The following LFNG variants were observed in gnomAD, a reference collection of about 807,000 sequenced individuals.
LFNG encodes LFNG O-fucosylpeptide 3-beta-N-acetylglucosaminyltransferase, also known as beta-1,3-N-acetylglucosaminyltransferase lunatic fringe.
LFNG carries 15 observed loss-of-function variants against 32.7 expected under a neutral mutation model. That is an observed-to-expected ratio of 0.46 (90% CI 0.31 to 0.71). LFNG has a LOEUF of 0.71. Ranked by LOEUF, LFNG falls within the 30% of genes least tolerant of loss-of-function variation. The pLI, the probability that LFNG is intolerant of heterozygous loss-of-function variation, is 0.06. For synonymous variants in LFNG, 274 were observed against 246.8 expected, an observed-to-expected ratio of 1.11 and a Z score of -1.03; for missense variants, 520 against 545.7, an observed-to-expected ratio of 0.95 and a Z score of 0.47.
upstream of LFNG, chr7:2,518,584 G>C (rs755730112): frequency 1.6e-5 from 25 of 1,605,432 alleles, no homozygotes; most frequent in East Asian, 5.3e-4. Context: ...TCTTGCGGCT[G>C]ACATTCAGGT....
At position 2,526,340 on chromosome 7, in the gene LFNG, C is replaced by T. The variant is rs1327288273; in HGVS notation, c.918C>T (p.Ile306=). 1.2e-6 allele frequency: 2 copies of T among 1,612,516 alleles called. No homozygotes were observed. Among genetic ancestry groups the T allele is most frequent in the Non-Finnish European group, 8.5e-7 (1 of 1,179,968 alleles). Residue 306 remains isoleucine (I), a synonymous_variant, in exon 6 of 8, where the codon ATC becomes ATT. Transcript: ENST00000222725. This position sits in a 1 kb window ranked among gnomAD's most constrained non-coding sequence, Gnocchi z 6.9. ...IVEALLGVPL[I]RSGLFHSHLE... The stretch of plus-strand genomic sequence containing the variant: ...AGGCCCTGCTGGGTGTGCCCCTCAT[C>T]CGCAGCGGCCTCTTCCACTCCCACC...
In LFNG at chr7:2,528,399, T is replaced by A. The variant is rs1780063799; in HGVS notation, c.*1187T>A. On this transcript the variant is annotated 3_prime_UTR_variant, in exon 8 of 8. Transcript: ENST00000222725. The stretch of plus-strand genomic sequence containing the variant: ...GTGTTGTTGCTATGGTGACGTCCTT[T>A]TGCTGTGAATAAAGGTGCTCTTTGC... 1.0e-6 allele frequency: 1 copy of A among 987,412 alleles called. No individual in the cohort carries two copies. Among genetic ancestry groups the A allele is most frequent in the Non-Finnish European group, 1.2e-6 (1 of 830,756 alleles). The allele number at this position is 987,412 out of a possible 1,614,324, so 61.2% of individuals were successfully genotyped here.
Position 2,524,756 on chromosome 7 carries a change from C to T in LFNG, c.481+13C>T. Reference sequence around the variant, plus strand: ...GCCAGGCACACGGGTGAGCCCTGGACTTGGGGCGGGAGGGGGCCCAGGCCT... The same window carrying T: ...GCCAGGCACACGGGTGAGCCCTGGATTTGGGGCGGGAGGGGGCCCAGGCCT... On this transcript the variant is annotated intron_variant, in intron 2 of 7. Coordinates refer to ENST00000222725, the MANE Select transcript of LFNG (RefSeq NM_001040167.2). The T allele has an allele frequency of 1.9e-6, 3 of 1,578,592 alleles. No homozygotes were observed. The highest frequency in any genetic ancestry group is 2.6e-6 in the Non-Finnish European group (3 of 1,161,890).
At chr7:2,514,058 C>T (rs1327327441), upstream of LFNG, among the ~76,000 whole-genome samples, 1 of 152,266 alleles carries the variant, frequency 6.6e-6, no homozygotes, top group Non-Finnish European at 1.5e-5. Flanking sequence ...CCCCTGAGGC[C>T]TTCTGGAGGT....
At position 2,526,841 on chromosome 7, in the gene LFNG, G is replaced by A. The variant is rs370381985; in HGVS notation, c.993G>A (p.Thr331=). 5.6e-6 allele frequency: 9 copies of A among 1,612,422 alleles called. No homozygotes were observed. Among genetic ancestry groups the A allele is most frequent in the African/African-American group, 2.7e-5 (2 of 74,890 alleles). Residue 331 remains threonine, a synonymous_variant, in exon 7 of 8, where the codon ACG becomes ACA. Coordinates refer to ENST00000222725, the MANE Select transcript of LFNG (RefSeq NM_001040167.2). The surrounding 1 kb of genome is among the most constrained non-coding windows in gnomAD (Gnocchi z 6.9). ...VPTSELHEQV[T]LSYGMFENKR... The stretch of plus-strand genomic sequence containing the variant: ...ACTCCGCCCGCTCCCCACAGGTGAC[G>A]CTGAGCTACGGTATGTTTGAAAACA...
chr7:2,524,525 A>G, intron 1 of LFNG, 170 bp from the exon 2 acceptor site: 1 of 688,350 alleles, frequency 1.5e-6, no homozygotes, highest in Non-Finnish European at 2.7e-6. Context: ...GAGATGGGGC[A>G]CTTGAGCCCT....
rs544863067 is a variant in LFNG, at chr7:2,527,746, C to T, written c.*534C>T. 8 of 1,026,218 alleles carry T rather than the reference C, an allele frequency of 7.8e-6. No individual in the cohort carries two copies. The highest frequency in any genetic ancestry group is 7.1e-5 in the South Asian group (2 of 28,096). The allele number at this position is 1,026,218 out of a possible 1,614,324, so 63.6% of individuals were successfully genotyped here. A position where few individuals can be genotyped will look rare whatever the true frequency, so the allele number is the denominator to read the frequency against. ...CCAATCCCCTTCCTCCTGGCCTGGA[C>T]GCTGTGGCTTAAGAGTAACAGCAGC... On this transcript the variant is annotated 3_prime_UTR_variant, in exon 8 of 8. Transcript: ENST00000222725. This position sits in a 1 kb window ranked among gnomAD's most constrained non-coding sequence, Gnocchi z 4.4.
At position 2,526,077 on chromosome 7, in the gene LFNG, A is replaced by G. The variant is rs1363760608; in HGVS notation, c.822-167A>G. ...CACGGAGCACAGGAGCTGTGCAGGGAGTGTGCCCTGGCTGTGGCCAGGGGA... is the reference window on the plus strand; with the variant it reads ...CACGGAGCACAGGAGCTGTGCAGGGGGTGTGCCCTGGCTGTGGCCAGGGGA... On this transcript the variant is annotated intron_variant, in intron 5 of 7. Transcript: ENST00000222725. The surrounding 1 kb of genome is among the most constrained non-coding windows in gnomAD (Gnocchi z 6.9). 6.6e-6 allele frequency among the ~76,000 whole-genome samples: 1 copy of G among 151,780 alleles called. No individual in the cohort carries two copies. The highest frequency in any genetic ancestry group is 1.5e-5 in the Non-Finnish European group (1 of 67,904).
chr7:2,528,957 CCAGG>C (rs1780077040), downstream of LFNG: 10 of 492,028 alleles, frequency 2.0e-5, no homozygotes, highest in Non-Finnish European at 3.7e-5. Context: ...AGACTCCAAG[CCAGG>C]CAGGCCGTGG....
Position 2,519,938 on chromosome 7 carries a change from C to G in LFNG, c.77C>G (p.Ala26Gly), listed in dbSNP as rs1779736682. The G allele has an allele frequency of 4.9e-6, 5 of 1,025,466 alleles. No individual in the cohort carries two copies. Among genetic ancestry groups the G allele is most frequent in the Middle Eastern group, 4.6e-4 (1 of 2,194 alleles). The allele number at this position is 1,025,466 out of a possible 1,614,324, so 63.5% of individuals were successfully genotyped here. A position where few individuals can be genotyped will look rare whatever the true frequency, so the allele number is the denominator to read the frequency against. Residue 26 changes from alanine (A) to glycine (G), a missense_variant, in exon 1 of 8, where the codon GCC becomes GGC. Ala to Gly is a moderately conservative substitution (Grantham distance 60). Transcript: ENST00000222725. ...CTCGCCTGCCTGCTGGTGCTCACCG[C>G]CGACCCGCCGCCGCCTCCACTGCCC... ...ALLACLLVLT[A>G]DPPPPPLPAE...
chr7:2,520,084 T>C lies in LFNG; in HGVS notation c.223T>C (p.Ser75Pro). The change falls in exon 1 of 8, where the codon TCC becomes CCC. Residue 75 changes from serine (S) to proline (P), a missense_variant. Physicochemically the swap from Ser to Pro is moderately conservative, Grantham distance 74. Coordinates refer to ENST00000222725, the MANE Select transcript of LFNG (RefSeq NM_001040167.2). This position sits in a 1 kb window ranked among gnomAD's most constrained non-coding sequence, Gnocchi z 5.0. ...GALVRDVHSL[S>P]EYFSLLTRAR... Reference sequence around the variant, plus strand: ...GCTGGTCCGCGACGTGCACAGTCTGTCCGAGTACTTCAGCCTGCTCACCCG... The same window carrying C: ...GCTGGTCCGCGACGTGCACAGTCTGCCCGAGTACTTCAGCCTGCTCACCCG... 1.5e-6 allele frequency: 2 copies of C among 1,314,236 alleles called. No homozygotes were observed. Among genetic ancestry groups the C allele is most frequent in the Non-Finnish European group, 2.0e-6 (2 of 1,022,436 alleles). The allele number at this position is 1,314,236 out of a possible 1,614,324, so 81.4% of individuals were successfully genotyped here.
At position 2,527,273 on chromosome 7, in the gene LFNG, G is replaced by A. The variant is rs1232383559; in HGVS notation, c.*61G>A. On this transcript the variant is annotated 3_prime_UTR_variant, in exon 8 of 8. Transcript: ENST00000222725. This position sits in a 1 kb window ranked among gnomAD's most constrained non-coding sequence, Gnocchi z 4.4. ...GGTATCCAAAGGGCCCAGGGACCCT[G>A]TTGCGCTGCCCTGGCCTCGGCATTC... is the stretch of plus-strand genomic sequence containing the variant. 3 of 1,596,528 alleles carry A rather than the reference G, an allele frequency of 1.9e-6. No individual in the cohort carries two copies. Among genetic ancestry groups the A allele is most frequent in the Non-Finnish European group, 2.6e-6 (3 of 1,175,818 alleles).
Position 2,528,271 on chromosome 7 carries a change from C to G in LFNG, c.*1059C>G. On this transcript the variant is annotated 3_prime_UTR_variant, in exon 8 of 8. Transcript: ENST00000222725. The stretch of plus-strand genomic sequence containing the variant: ...GCTGCCACCTCCCCGCTGGGCCCAG[C>G]ATGGCTCACCTGTCCCGTGGGCTGT... 3.0e-6 allele frequency: 3 copies of G among 986,114 alleles called. No homozygotes were observed. Among genetic ancestry groups the G allele is most frequent in the Non-Finnish European group, 3.6e-6 (3 of 830,040 alleles). 61.1% of individuals were successfully genotyped at this position (986,114 alleles called of 1,614,324 possible). A position where few individuals can be genotyped will look rare whatever the true frequency, so the allele number is the denominator to read the frequency against.
chr7:2,524,516 A>G, intron 1 of LFNG, 179 bp from the exon 2 acceptor site: 1 of 676,146 alleles, frequency 1.5e-6, no homozygotes, highest in Non-Finnish European at 2.7e-6. Flanking sequence ...GATGGCACTG[A>G]GATGGGGCAC....
In LFNG at chr7:2,525,122, G is replaced by A. The variant is rs1452720724; in HGVS notation, c.482-97G>A. On this transcript the variant is annotated intron_variant, in intron 2 of 7. Transcript: ENST00000222725. ...CGCCGGGCCCAGCTTGAACTAGGGG[G>A]CTTTTCTCGAGCCCCTGGGCCCTGT... is the stretch of plus-strand genomic sequence containing the variant. The A allele has an allele frequency of 1.0e-4, 111 of 1,073,736 alleles. 1 individual carries two copies. The South Asian group carries it at 1.4e-3, about 13-fold the overall frequency. The allele number at this position is 1,073,736 out of a possible 1,614,324, so 66.5% of individuals were successfully genotyped here.
upstream of LFNG, chr7:2,518,462 C>T (rs1583270555): frequency 1.8e-5 from 15 of 814,532 alleles, no homozygotes; most frequent in Admixed American, 5.2e-5. Flanking sequence ...GCGTCCTTAG[C>T]GGGGGGAGAG....
In LFNG at chr7:2,525,257, C is replaced by T. The variant is rs373426024; in HGVS notation, c.520C>T (p.Arg174Cys). 12 of 1,612,856 alleles carry T rather than the reference C, an allele frequency of 7.4e-6. No homozygotes were observed. The highest frequency in any genetic ancestry group is 2.7e-5 in the African/African-American group (2 of 74,942). ...VITNCSAAHS[R>C]QALSCKMAVE... ...CACAAACTGCTCGGCCGCCCACAGC[C>T]GCCAGGCGCTGTCCTGCAAGATGGC... Residue 174 changes from arginine to cysteine, a missense_variant, in exon 3 of 8, where the codon CGC (arginine) becomes TGC (cysteine). Arg to Cys is a radical substitution (Grantham distance 180). Transcript: ENST00000222725.
In LFNG at chr7:2,525,821, T is replaced by C. The variant is rs762464833; in HGVS notation, c.821+51T>C. 4.7e-6 allele frequency: 7 copies of C among 1,495,356 alleles called. No homozygotes were observed. The East Asian group carries it at 1.6e-4, about 34-fold the overall frequency. The allele number at this position is 1,495,356 out of a possible 1,614,324, so 92.6% of individuals were successfully genotyped here. A position where few individuals can be genotyped will look rare whatever the true frequency, so the allele number is the denominator to read the frequency against. ...AGCCCGGTCCCAGGCTCCTCGCCACTGTGGGGCCTGGCTTAGTTCATCTTC... is the reference window on the plus strand; with the variant it reads ...AGCCCGGTCCCAGGCTCCTCGCCACCGTGGGGCCTGGCTTAGTTCATCTTC... On this transcript the variant is annotated intron_variant, in intron 5 of 7. Coordinates refer to ENST00000222725, the MANE Select transcript of LFNG (RefSeq NM_001040167.2).
Position 2,520,304 on chromosome 7 carries a change from C to T in LFNG, c.432+11C>T. 1 of 1,606,340 alleles carries T rather than the reference C, an allele frequency of 6.2e-7. No individual in the cohort carries two copies. The highest frequency in any genetic ancestry group is 8.5e-7 in the Non-Finnish European group (1 of 1,176,610). On this transcript the variant is annotated intron_variant, in intron 1 of 7. Transcript: ENST00000222725. The surrounding 1 kb of genome is among the most constrained non-coding windows in gnomAD (Gnocchi z 5.0). Reference sequence around the variant, plus strand: ...CGCCACAAGGAGATGGTGAGCCCCCCGCGGCCTGGACTGGCGGGCGAGCGG... The same window carrying T: ...CGCCACAAGGAGATGGTGAGCCCCCTGCGGCCTGGACTGGCGGGCGAGCGG...
Sources: gnomAD v4.1 joint callset for allele counts (sites outside exome capture counted in the v4.1 genomes callset) on GRCh38, gnomAD v4.1.1 for gene constraint, Gnocchi (gnomAD v3.1) non-coding constraint, MANE v1.5 for transcripts, NCBI Gene and HGNC (gene_info 2026-07-23, HGNC 2026-07-21) for gene names.